Variants in NRXN2 observed in about 807,000 individuals in gnomAD.
The protein encoded by NRXN2 is neurexin 2, also known as neurexin-2-beta.
A neutral mutation model predicts 128.8 loss-of-function variants in NRXN2; 29 were observed. The ratio of observed to expected loss-of-function variants is 0.23; its 90% CI spans 0.17 to 0.31. NRXN2 has a LOEUF of 0.31. Among genes scored for constraint, NRXN2 ranks in the 10% least tolerant of loss-of-function variants. The pLI, the probability that NRXN2 is intolerant of heterozygous loss-of-function variation, is 1.00. For missense variants in NRXN2, 1,881 were observed against 2,452.6 expected (o/e 0.77, Z 4.92); for synonymous variants, 1,098 against 1,075.2 (o/e 1.02, Z -0.41).
intron 5 of NRXN2, among the ~76,000 whole-genome samples, chr11:64,689,902 G>A (rs892239051): frequency 6.6e-6 from 1 of 152,172 alleles, no homozygotes; most frequent in East Asian, 1.9e-4. Flanking sequence ...TGTTATAGTG[G>A]CTTGTAAACT....
chr11:64,672,514 G>A (rs1332709439), intron 7 of NRXN2, among the ~76,000 whole-genome samples: 3 of 152,186 alleles, frequency 2.0e-5, no homozygotes, highest in Non-Finnish European at 4.4e-5. Flanking sequence ...TTGTGGGCAA[G>A]CTGGCTGAGC....
intron 2 of NRXN2, among the ~76,000 whole-genome samples, chr11:64,709,032 A>T (rs986513689): frequency 1.3e-5 from 2 of 152,076 alleles, no homozygotes; most frequent in African/African-American, 4.8e-5. Context: ...TCTCTACTAA[A>T]AATACAAAAA....
intron 1 of NRXN2, among the ~76,000 whole-genome samples, chr11:64,717,230 C>G (rs1001116507): frequency 6.6e-6 from 1 of 152,196 alleles, no homozygotes; most frequent in Non-Finnish European, 1.5e-5. Context: ...GTACTGCCCC[C>G]GCAAGGCCCA....
rs568673828 is a variant in NRXN2, at chr11:64,714,393, C to T, written c.-244-450G>A. 5.9e-5 allele frequency among the ~76,000 whole-genome samples: 9 copies of T among 152,266 alleles called. No homozygotes were observed. Among genetic ancestry groups the T allele is most frequent in the African/African-American group, 2.2e-4 (9 of 41,532 alleles). ...CTGTTCCTCTCATCAGCTCTTGATA[C>T]TGGATAATGAAGTTGCTAAATAATT... is the stretch of plus-strand genomic sequence containing the variant. On this transcript the variant is annotated intron_variant, in intron 1 of 22. Transcript: ENST00000265459. The surrounding 1 kb of genome is among the most constrained non-coding windows in gnomAD (Gnocchi z 4.5).
chr11:64,673,686 G>GTT (rs2050916717), intron 7 of NRXN2, among the ~76,000 whole-genome samples: 1 of 102,700 alleles, frequency 9.7e-6, no homozygotes, highest in Non-Finnish European at 2.8e-5. Flanking sequence ...TTTTTGTTTT[G>GTT]TTTGTGTGTG....
chr11:64,678,113 G>A (rs1036934910), intron 6 of NRXN2, among the ~76,000 whole-genome samples: 6 of 151,996 alleles, frequency 3.9e-5, no homozygotes, highest in Non-Finnish European at 1.5e-5. Flanking sequence ...TTTTGTTTTT[G>A]TTTTCTTCTC....
intron 20 of NRXN2, among the ~76,000 whole-genome samples, chr11:64,624,575 G>A (rs569589192): frequency 1.3e-5 from 2 of 152,336 alleles, no homozygotes; most frequent in African/African-American, 2.4e-5. Flanking sequence ...AGAATCATGA[G>A]GAAAACAAAG....
chr11:64,639,960 C>T (rs182123230), intron 17 of NRXN2, among the ~76,000 whole-genome samples: 10 of 152,110 alleles, frequency 6.6e-5, no homozygotes, highest in South Asian at 2.1e-4. Flanking sequence ...TAATGGTTAA[C>T]GGGAGCAAAG....
rs2047089934 is a variant in NRXN2 at position 64,648,952 on chromosome 11, C to T, written c.3110-45G>A. ...ACCAAGGCATCCAGGTCCCCATTCCCATCCCAAGACAATGGCATCTGGCTG... is the reference window on the plus strand; with the variant it reads ...ACCAAGGCATCCAGGTCCCCATTCCTATCCCAAGACAATGGCATCTGGCTG... On this transcript the variant is annotated intron_variant, in intron 15 of 22. Transcript: ENST00000265459. This position sits in a 1 kb window ranked among gnomAD's most constrained non-coding sequence, Gnocchi z 4.1. 1 of 1,601,472 alleles carries T rather than the reference C, an allele frequency of 6.2e-7. No individual in the cohort carries two copies. Among genetic ancestry groups the T allele is most frequent in the Admixed American group, 1.7e-5 (1 of 59,978 alleles).
chr11:64,648,074 C>A lies in NRXN2; in HGVS notation c.3403+145G>T. Reference sequence around the variant, plus strand: ...GAGGGGACAGCAGGCCACAGCTCCCCTGGGACTCTGCAGACAAGGGATGAG... The same window carrying A: ...GAGGGGACAGCAGGCCACAGCTCCCATGGGACTCTGCAGACAAGGGATGAG... On this transcript the variant is annotated intron_variant, in intron 17 of 22. Transcript: ENST00000265459. This position sits in a 1 kb window ranked among gnomAD's most constrained non-coding sequence, Gnocchi z 4.1. 8.4e-7 allele frequency: 1 copy of A among 1,197,342 alleles called. No individual in the cohort carries two copies. The highest frequency in any genetic ancestry group is 1.3e-5 in the South Asian group (1 of 74,998). 74.2% of individuals were successfully genotyped at this position (1,197,342 alleles called of 1,614,324 possible).
intron 17 of NRXN2, chr11:64,646,502 G>A (rs1032752246): frequency 6.6e-6 from 1 of 152,200 alleles, no homozygotes; most frequent in Non-Finnish European, 1.5e-5. Flanking sequence ...AGGACTAAAT[G>A]AGCAGCAGGG....
At chr11:64,693,802 C>T (rs1012495202) in intron 3 of NRXN2, among the ~76,000 whole-genome samples, 2 of 152,082 alleles carry the variant, frequency 1.3e-5, no homozygotes, top group Non-Finnish European at 2.9e-5. Context: ...AGAGGACAGC[C>T]GAGCCCTATG....
At chr11:64,675,327 T>C (rs545989243) in intron 7 of NRXN2, 3 of 152,376 alleles carry the variant, frequency 2.0e-5, no homozygotes, top group East Asian at 3.9e-4. Context: ...CTAGTCTATA[T>C]GGGTGCAGGA....
intron 11 of NRXN2, among the ~76,000 whole-genome samples, chr11:64,654,690 G>C (rs1341602661): frequency 6.6e-6 from 1 of 152,188 alleles, no homozygotes; most frequent in African/African-American, 2.4e-5. Flanking sequence ...GGGAACAGTG[G>C]ACCAGGGTCC....
chr11:64,707,827 C>T (rs546655449), intron 2 of NRXN2, among the ~76,000 whole-genome samples: 14 of 152,128 alleles, frequency 9.2e-5, no homozygotes, highest in Non-Finnish European at 1.9e-4. Flanking sequence ...GGTGTGGTGG[C>T]TTACACCTGT....
rs758399997 is a variant in NRXN2, at chr11:64,660,917, G to A, written c.2021C>T (p.Ala674Val). Residue 674 changes from alanine (A) to valine (V), a missense_variant, in exon 10 of 23, where the codon GCT (alanine) becomes GTT (valine). Around this residue, in one of 7 missense-constraint regions of NRXN2, gnomAD observed 997 missense variants for 1,240.8 expected, o/e 0.80. Coordinates refer to ENST00000265459, the MANE Select transcript of NRXN2 (RefSeq NM_015080.4). This position sits in a 1 kb window ranked among gnomAD's most constrained non-coding sequence, Gnocchi z 5.2. Reference sequence around the variant, plus strand: ...AACGCCCACAGCCCCCTGAGCCTCAGCCAGGCCCCGGAGGTCTCGGCTACG... The same window carrying A: ...AACGCCCACAGCCCCCTGAGCCTCAACCAGGCCCCGGAGGTCTCGGCTACG... Reference protein sequence around the residue: ...DGRSRDLRGLAEAQGAVGVAP... With the variant: ...DGRSRDLRGLVEAQGAVGVAP... 6.2e-7 allele frequency: 1 copy of A among 1,613,644 alleles called. No homozygotes were observed. Among genetic ancestry groups the A allele is most frequent in the Non-Finnish European group, 8.5e-7 (1 of 1,179,800 alleles).
chr11:64,607,500 G>C lies in NRXN2; in HGVS notation c.4835C>G (p.Ala1612Gly). Residue 1612 changes from alanine to glycine, a missense_variant, in exon 23 of 23, where the codon GCC becomes GGC. By Grantham distance (60) the Ala-to-Gly change is moderately conservative (BLOSUM62 0). This residue lies in a region of NRXN2 where 310 missense variants were observed against 318.2 expected (regional missense o/e 0.97). Transcript: ENST00000265459. ...CCGCTCCCCAGGCCCTGTGGGGTTG[G>C]CTGTGGGCAGATGGGGGAAGCCGGG... ...SAPGFPHLPTANPTGPGERGP... is the reference protein window; with the variant it reads ...SAPGFPHLPTGNPTGPGERGP... 1 of 1,597,696 alleles carries C rather than the reference G, an allele frequency of 6.3e-7. No homozygotes were observed.
rs1368115434 is a variant in NRXN2, at chr11:64,667,255, C to T, written c.1793G>A (p.Arg598Gln). 3 of 1,614,052 alleles carry T rather than the reference C, an allele frequency of 1.9e-6. No individual in the cohort carries two copies. The highest frequency in any genetic ancestry group is 2.5e-6 in the Non-Finnish European group (3 of 1,180,030). ...GGGTCCAGAGGCCTCCTGACCTTTT[C>T]GCCCATCCCTCTGGAAGTCCACGTG... ...WCHVDFQRDG[R>Q]KGSISVNSRS... Residue 598 changes from arginine to glutamine, a missense_variant, in exon 9 of 23, where the codon CGA (arginine) becomes CAA (glutamine). Arg to Gln is a conservative substitution (Grantham distance 43). Transcript: ENST00000265459. This position sits in a 1 kb window ranked among gnomAD's most constrained non-coding sequence, Gnocchi z 5.6.
In NRXN2 at chr11:64,648,867, G is replaced by C. The variant is rs751987238; in HGVS notation, c.3150C>G (p.Ser1050Arg). 6.2e-7 allele frequency: 1 copy of C among 1,614,198 alleles called. No homozygotes were observed. The highest frequency in any genetic ancestry group is 1.1e-5 in the South Asian group (1 of 91,086). The change falls in exon 16 of 23, where the codon AGC becomes AGG. Residue 1050 changes from serine (S) to arginine (R), a missense_variant. By Grantham distance (110) the Ser-to-Arg change is moderately radical (BLOSUM62 -1). This residue lies in a region of NRXN2 where 390 missense variants were observed against 599.6 expected (regional missense o/e 0.65). Transcript: ENST00000265459. This position sits in a 1 kb window ranked among gnomAD's most constrained non-coding sequence, Gnocchi z 4.1. ...YIGGLSKNMF[S>R]NLPKLVASRD... is the part of the protein sequence containing the mutation. ...GGGAGGCCACCAGCTTGGGCAGGTT[G>C]CTGAACATATTCTTGCTCAGACCGC...
Sources: gnomAD v4.1 joint callset for allele counts (sites outside exome capture counted in the v4.1 genomes callset) on GRCh38, gnomAD v4.1.1 for gene constraint, gnomAD v4.1.1 regional missense constraint, Gnocchi (gnomAD v3.1) non-coding constraint, MANE v1.5 for transcripts, NCBI Gene and HGNC (gene_info 2026-07-23, HGNC 2026-07-21) for gene names.